Variants in ARL10 observed in about 807,000 individuals in gnomAD.
ARL10 encodes the protein ADP-ribosylation factor-like protein 10.
ARL10 carries 23 observed loss-of-function variants against 26.1 expected under a neutral mutation model. The observed-to-expected ratio is 0.88, with a 90% CI of 0.63 to 1.25. The LOEUF is 1.25. Among genes scored for constraint, ARL10 ranks in the 50% most tolerant of loss-of-function variants. The probability of loss-of-function intolerance (pLI) is 0.00; values close to 1 mark genes in which losing one functional copy is unlikely to be tolerated. For missense variants in ARL10, 300 were observed against 323.6 expected (o/e 0.93, Z 0.56); for synonymous variants, 138 against 149.1 (o/e 0.93, Z 0.54).
downstream of ARL10, among the ~76,000 whole-genome samples, chr5:176,403,760 T>C (rs1257762366): frequency 6.6e-6 from 1 of 151,478 alleles, no homozygotes. Flanking sequence ...CCTGTTTTTG[T>C]GTGTGTGTGT....
At chr5:176,389,463 G>A, downstream of ARL10, 1 of 1,614,102 alleles carries the variant, frequency 6.2e-7, no homozygotes, top group Non-Finnish European at 8.5e-7. Flanking sequence ...ATCTTGCTGG[G>A]TCTGGCTGTC....
downstream of ARL10, chr5:176,389,381 C>G: frequency 6.2e-7 from 1 of 1,614,084 alleles, no homozygotes; most frequent in East Asian, 2.2e-5. Flanking sequence ...CTCCTTCCAC[C>G]GGGGCAACAG....
chr5:176,402,416 CT>C (rs1181047065), downstream of ARL10, among the ~76,000 whole-genome samples: 1 of 152,262 alleles, frequency 6.6e-6, no homozygotes, highest in African/African-American at 2.4e-5. Flanking sequence ...TATTCGTGCA[CT>C]CTTGCCACAC....
At chr5:176,399,877 C>CAA (rs750656977) in intron 1 of ARL10, among the ~76,000 whole-genome samples, 1,987 of 108,848 alleles carry the variant, frequency 0.018, 27 homozygotes, top group Non-Finnish European at 0.025. Flanking sequence ...GACTTGGTCT[C>CAA]AAAAAAAAAA....
chr5:176,397,049 G>C (rs1041032515), intron 1 of ARL10, among the ~76,000 whole-genome samples: 3 of 151,876 alleles, frequency 2.0e-5, no homozygotes, highest in African/African-American at 7.3e-5. Context: ...CATGGCCTTC[G>C]TGCAGAGGGC....
downstream of ARL10, chr5:176,384,478 A>T: frequency 8.6e-7 from 1 of 1,165,866 alleles, no homozygotes; most frequent in Admixed American, 2.2e-5. Flanking sequence ...CCTGAGGTCC[A>T]GAATCCTGAC....
chr5:176,384,038 A>AT, downstream of ARL10: 1 of 1,544,248 alleles, frequency 6.5e-7, no homozygotes, highest in Non-Finnish European at 8.7e-7. Flanking sequence ...CCCCAGATGA[A>AT]TATAAATTGG....
downstream of ARL10, among the ~76,000 whole-genome samples, chr5:176,393,525 A>C (rs1316773783): frequency 6.6e-6 from 1 of 152,226 alleles, no homozygotes; most frequent in Non-Finnish European, 1.5e-5. The surrounding 1 kb of genome is among the most constrained non-coding windows in gnomAD (Gnocchi z 4.4). Flanking sequence ...AAGACTTTCA[A>C]AGCCTTTCAT....
intron 3 of ARL10, among the ~76,000 whole-genome samples, chr5:176,370,433 G>A (rs577772796): frequency 4.6e-5 from 7 of 152,170 alleles, no homozygotes; most frequent in Non-Finnish European, 1.0e-4. Flanking sequence ...CTAAACTCAG[G>A]TGCCTCTGAG....
the ARL10 span, among the ~76,000 whole-genome samples, chr5:176,407,201 C>T: frequency 6.6e-6 from 1 of 152,156 alleles, no homozygotes; most frequent in South Asian, 2.1e-4. Context: ...GGGGTGCACT[C>T]CAGAAGTGGC....
chr5:176,392,470 T>C (rs1756293736), downstream of ARL10: 2 of 297,306 alleles, frequency 6.7e-6, no homozygotes, highest in Non-Finnish European at 1.3e-5. The surrounding 1 kb of genome is among the most constrained non-coding windows in gnomAD (Gnocchi z 5.2). Flanking sequence ...TCCAGAGAAG[T>C]GAGAATGATA....
At chr5:176,405,841 T>C (rs1039162168), downstream of ARL10, 3 of 151,424 alleles carry the variant, frequency 2.0e-5, no homozygotes, top group African/African-American at 7.3e-5. Context: ...TGAGTGACAA[T>C]ATCCTACTAC....
At chr5:176,401,698 A>G (rs1256066383) in intron 1 of ARL10, 1 of 456,204 alleles carries the variant, frequency 2.2e-6, no homozygotes, top group South Asian at 1.5e-5. Flanking sequence ...GTTGCACAGC[A>G]TTTTCACAAA....
chr5:176,396,477 A>G (rs748649397), intron 1 of ARL10: 3 of 1,613,474 alleles, frequency 1.9e-6, no homozygotes, highest in African/African-American at 2.7e-5. Context: ...ACAGACACGT[A>G]CACGTAGCCG....
chr5:176,407,149 G>A, the ARL10 span, among the ~76,000 whole-genome samples: 2 of 152,318 alleles, frequency 1.3e-5, no homozygotes, highest in South Asian at 4.1e-4. Flanking sequence ...CTCACCCACG[G>A]CTGACAGGTC....
chr5:176,402,547 C>T (rs916834205), downstream of ARL10, among the ~76,000 whole-genome samples: 8 of 150,790 alleles, frequency 5.3e-5, no homozygotes, highest in Non-Finnish European at 1.0e-4. Flanking sequence ...GAGGCCTTGG[C>T]TTGTTTACCT....
chr5:176,400,790 C>A (rs1432113787), intron 1 of ARL10, among the ~76,000 whole-genome samples: 1 of 152,206 alleles, frequency 6.6e-6, no homozygotes, highest in East Asian at 1.9e-4. Context: ...GGCACACTCT[C>A]TGTCCTACGG....
downstream of ARL10, chr5:176,388,813 C>A (rs1319776282): frequency 6.2e-7 from 1 of 1,611,618 alleles, no homozygotes; most frequent in Middle Eastern, 1.7e-4. Flanking sequence ...GCTGCTGTGG[C>A]CCGGACATGG....
rs1334973489 is a variant in ARL10 at position 176,386,965 on chromosome 5, G to A, written c.37-1330G>A. 8 of 1,469,670 alleles carry A rather than the reference G, an allele frequency of 5.4e-6. No homozygotes were observed. The East Asian group carries it at 1.8e-4, about 33-fold the overall frequency. 91.0% of individuals were successfully genotyped at this position (1,469,670 alleles called of 1,614,324 possible). A position where few individuals can be genotyped will look rare whatever the true frequency, so the allele number is the denominator to read the frequency against. On this transcript the variant is annotated intron_variant, in intron 1 of 1. Coordinates refer to the ARL10 transcript ENST00000503175. ...GGATCTTTGATGAGGGAAAGTTATA[G>A]ACTCCTGCTTATCCCAACACAACTA...
Sources: gnomAD v4.1 joint callset for allele counts (sites outside exome capture counted in the v4.1 genomes callset) on GRCh38, gnomAD v4.1.1 for gene constraint, Gnocchi (gnomAD v3.1) non-coding constraint, MANE v1.5 for transcripts, NCBI Gene and HGNC (gene_info 2026-07-23, HGNC 2026-07-21) for gene names.